Variants in SCN8A observed in about 807,000 individuals in gnomAD.
SCN8A encodes sodium channel protein type 8 subunit alpha.
A neutral mutation model predicts 184.1 loss-of-function variants in SCN8A; 30 were observed. That is an observed-to-expected ratio of 0.16 (90% CI 0.12 to 0.22). The LOEUF is 0.22. Among genes scored for constraint, SCN8A ranks in the 10% least tolerant of loss-of-function variants. The probability of loss-of-function intolerance (pLI) is 1.00; values close to 1 mark genes in which losing one functional copy is unlikely to be tolerated. For missense variants in SCN8A, 1,057 were observed against 2,498.9 expected, an observed-to-expected ratio of 0.42 and a Z score of 12.30; for synonymous variants, 852 against 907.0, an observed-to-expected ratio of 0.94 and a Z score of 1.09.
chr12:51,712,652 C>A (rs1258940179), intron 11 of SCN8A: 12 of 802,484 alleles, frequency 1.5e-5, no homozygotes, highest in Non-Finnish European at 8.9e-6. Flanking sequence ...GCCAAAATTT[C>A]CTCCTTCATT....
At chr12:51,602,971 A>AT (rs1376045765) in intron 1 of SCN8A, among the ~76,000 whole-genome samples, 2 of 151,774 alleles carry the variant, frequency 1.3e-5, no homozygotes, top group Non-Finnish European at 2.9e-5. Flanking sequence ...ATAGTATTTC[A>AT]TTTTTCCCTT....
chr12:51,697,812 A>G (rs1222182962), intron 6 of SCN8A, among the ~76,000 whole-genome samples: 1 of 152,156 alleles, frequency 6.6e-6, no homozygotes, highest in Non-Finnish European at 1.5e-5. Flanking sequence ...TATGTACTAA[A>G]TGCTTTGTGA....
intron 10 of SCN8A, 32 bp from the exon 11 acceptor site, chr12:51,706,390 G>A: frequency 1.3e-6 from 2 of 1,510,120 alleles, no homozygotes; most frequent in Non-Finnish European, 1.8e-6. Context: ...AATTGCCCTG[G>A]TCTGGCTTCC....
intron 10 of SCN8A, 51 bp from the exon 11 acceptor site, chr12:51,706,371 G>T: frequency 6.8e-7 from 1 of 1,473,438 alleles, no homozygotes; most frequent in Middle Eastern, 2.3e-4. Context: ...GCTTTGGGTG[G>T]CTCCAGTTAA....
intron 1 of SCN8A, among the ~76,000 whole-genome samples, chr12:51,623,116 T>A (rs1350324126): frequency 6.6e-6 from 1 of 152,180 alleles, no homozygotes; most frequent in Non-Finnish European, 1.5e-5. Context: ...TCTTGTATTT[T>A]CCTTGCCCCG....
chr12:51,618,098 C>G (rs1211772342), intron 1 of SCN8A, among the ~76,000 whole-genome samples: 1 of 152,106 alleles, frequency 6.6e-6, no homozygotes, highest in East Asian at 1.9e-4. Flanking sequence ...TTTAGTTTCT[C>G]TATTCTGCCT....
chr12:51,765,663 T>TTTCCTTAGC lies in SCN8A; in HGVS notation c.2545-7_2545-6insTCCTTAGCT. 1 of 1,508,886 alleles carries TTTCCTTAGC rather than the reference T, an allele frequency of 6.6e-7. No individual in the cohort carries two copies. Among genetic ancestry groups the TTTCCTTAGC allele is most frequent in the Non-Finnish European group, 8.9e-7 (1 of 1,125,694 alleles). 93.5% of individuals were successfully genotyped at this position (1,508,886 alleles called of 1,614,324 possible). ...TTATTTTTTTGTTTGGGTTTTTTTT[T>TTTCCTTAGC]TCCTTAGCTCCGAGTCTTCAAATTG... is the stretch of plus-strand genomic sequence containing the variant. On this transcript the variant is annotated splice_region_variant and splice_polypyrimidine_tract_variant and intron_variant, in intron 15 of 26. Coordinates refer to ENST00000627620, the MANE Select transcript of SCN8A (RefSeq NM_001330260.2).
At chr12:51,757,284 G>A (rs984373755) in intron 14 of SCN8A, among the ~76,000 whole-genome samples, 6 of 147,926 alleles carry the variant, frequency 4.1e-5, no homozygotes, top group Non-Finnish European at 6.0e-5. Context: ...GACTGAGTTC[G>A]TAAGGAACCA....
chr12:51,804,997 A>T (rs1466714775), intron 26 of SCN8A, among the ~76,000 whole-genome samples: 1 of 152,232 alleles, frequency 6.6e-6, no homozygotes, highest in Non-Finnish European at 1.5e-5. Flanking sequence ...TAATGAGGTT[A>T]TGAGGTGTAG....
chr12:51,610,211 C>T (rs1272484141), intron 1 of SCN8A, among the ~76,000 whole-genome samples: 2 of 147,958 alleles, frequency 1.4e-5, no homozygotes, highest in East Asian at 2.0e-4. Flanking sequence ...TCTCCCTGCT[C>T]ACTCTTGGTG....
At chr12:51,686,664 C>T (rs904918197) in intron 4 of SCN8A, among the ~76,000 whole-genome samples, 2 of 152,214 alleles carry the variant, frequency 1.3e-5, no homozygotes, top group Non-Finnish European at 2.9e-5. Flanking sequence ...TCACTCCACC[C>T]TTTCCTGTGC....
chr12:51,721,293 A>G (rs1032244769), intron 11 of SCN8A, among the ~76,000 whole-genome samples: 5 of 151,950 alleles, frequency 3.3e-5, no homozygotes, highest in Admixed American at 3.3e-4. Flanking sequence ...GTGAGATAAA[A>G]GCATCTTAGG....
intron 1 of SCN8A, among the ~76,000 whole-genome samples, chr12:51,595,046 TTAAC>T (rs1939314687): frequency 6.6e-6 from 1 of 152,202 alleles, no homozygotes; most frequent in Admixed American, 6.5e-5. Context: ...ATTTAGCACA[TTAAC>T]TGAGGAATCA....
chr12:51,660,703 A>G (rs1203581180), intron 1 of SCN8A, among the ~76,000 whole-genome samples: 1 of 152,226 alleles, frequency 6.6e-6, no homozygotes, highest in African/African-American at 2.4e-5. Context: ...AAGTGGTGAT[A>G]ATAATATCTG....
intron 12 of SCN8A, among the ~76,000 whole-genome samples, chr12:51,732,871 G>T (rs1942265314): frequency 1.3e-5 from 2 of 151,880 alleles, no homozygotes. Context: ...TCCACCTTTG[G>T]CATATAGAAA....
chr12:51,639,258 G>A (rs1419994504), intron 1 of SCN8A, among the ~76,000 whole-genome samples: 6 of 152,146 alleles, frequency 3.9e-5, no homozygotes, highest in Admixed American at 6.5e-5. Context: ...GGATTACAGC[G>A]TGCTGGGCTG....
chr12:51,707,369 A>G (rs1941801821), intron 11 of SCN8A, among the ~76,000 whole-genome samples: 1 of 152,194 alleles, frequency 6.6e-6, no homozygotes, highest in African/African-American at 2.4e-5. Context: ...AAGGTCCCAC[A>G]GTAGGCTGTT....
chr12:51,767,975 A>G (rs939604959), intron 16 of SCN8A: 1 of 152,172 alleles, frequency 6.6e-6, no homozygotes. Flanking sequence ...CCCGCATTTT[A>G]CCAACCATAT....
rs574355279 is a variant in SCN8A at position 51,710,840 on chromosome 12, C to A, written c.1635+4125C>A. On this transcript the variant is annotated intron_variant, in intron 11 of 26. Coordinates refer to ENST00000627620, the MANE Select transcript of SCN8A (RefSeq NM_001330260.2). ...ATCTTTCTGTTATGTTTTATATGTA[C>A]CTCTTTATTTGTTGCTTTTTACTCT... 5.9e-5 allele frequency among the ~76,000 whole-genome samples: 9 copies of A among 152,038 alleles called. No homozygotes were observed. In the South Asian group the frequency reaches 1.9e-3, roughly 31 times the overall value.
Sources: gnomAD v4.1 joint callset for allele counts (sites outside exome capture counted in the v4.1 genomes callset) on GRCh38, gnomAD v4.1.1 for gene constraint, MANE v1.5 for transcripts, NCBI Gene and HGNC (gene_info 2026-07-23, HGNC 2026-07-21) for gene names.